The following CASK variants were observed in gnomAD, a reference collection of about 807,000 sequenced individuals.
The protein encoded by CASK is calcium/calmodulin dependent serine protein kinase.
A neutral mutation model predicts 82.9 loss-of-function variants in CASK; 4 were observed. The ratio of observed to expected loss-of-function variants is 0.05; its 90% CI spans 0.02 to 0.11. CASK has a LOEUF of 0.11. CASK is among the 10% of genes least tolerant of loss of function. The pLI, the probability that CASK is intolerant of heterozygous loss-of-function variation, is 1.00. For synonymous variants in CASK, 259 were observed against 253.5 expected (o/e 1.02, Z -0.20); for missense variants, 358 against 720.9 (o/e 0.50, Z 5.76).
intron 5 of CASK, among the ~76,000 whole-genome samples, chrX:41,718,355 G>A (rs1238184924): frequency 2.7e-5 from 3 of 113,197 alleles, no homozygotes; most frequent in Non-Finnish European, 5.6e-5. Context: ...AAGAGGGGCT[G>A]TGGGATCTTT....
chrX:41,748,044 C>A (rs444787), intron 3 of CASK, among the ~76,000 whole-genome samples: 2 of 111,206 alleles, frequency 1.8e-5, no homozygotes, highest in Admixed American at 9.5e-5. Flanking sequence ...CATCTCATAG[C>A]GAAGGAATCA....
rs774196070 is a variant in CASK, at chrX:41,808,291, T to C, written c.173-21008A>G. 8.9e-5 allele frequency among the ~76,000 whole-genome samples: 10 copies of C among 111,893 alleles called. No homozygotes were observed. The South Asian group carries it at 3.4e-3, about 38-fold the overall frequency. On this transcript the variant is annotated intron_variant, in intron 2 of 26. Coordinates refer to ENST00000378163, the MANE Select transcript of CASK (RefSeq NM_001367721.1). Reference sequence around the variant, plus strand: ...CCTTGGCAGTTTGACAAGATTGAGTTTGAATCTAGGTTTTGCCATTTACTC... The same window carrying C: ...CCTTGGCAGTTTGACAAGATTGAGTCTGAATCTAGGTTTTGCCATTTACTC...
At chrX:41,832,046 A>C (rs747428897) in intron 2 of CASK, among the ~76,000 whole-genome samples, 9 of 110,765 alleles carry the variant, frequency 8.1e-5, no homozygotes, top group South Asian at 3.8e-4. Context: ...AAAAAAAAAA[A>C]CACTAAGCTT....
chrX:41,814,382 A>G (rs1199341323), intron 2 of CASK, among the ~76,000 whole-genome samples: 51 of 111,371 alleles, frequency 4.6e-4, no homozygotes, highest in Admixed American at 1.1e-3. Flanking sequence ...AGAAAATGTG[A>G]CACATATACA....
intron 4 of CASK, among the ~76,000 whole-genome samples, chrX:41,741,286 C>T (rs1278822370): frequency 1.8e-5 from 2 of 112,152 alleles, no homozygotes; most frequent in Non-Finnish European, 3.8e-5. Flanking sequence ...TAAGAGACTA[C>T]ACCTGTCAAA....
At chrX:41,625,884 T>C (rs934929155) in intron 10 of CASK, among the ~76,000 whole-genome samples, 1 of 107,689 alleles carries the variant, frequency 9.3e-6, no homozygotes, top group Admixed American at 9.9e-5. Context: ...GGTCAAGTGA[T>C]TCTCCTGCCT....
chrX:41,693,223 C>T (rs1255683211), intron 5 of CASK, among the ~76,000 whole-genome samples: 1 of 111,592 alleles, frequency 9.0e-6, no homozygotes, highest in Non-Finnish European at 1.9e-5. Flanking sequence ...GGTTCCTCTA[C>T]AGACACCCTT....
chrX:41,539,272 G>C (rs1306407960), intron 22 of CASK, among the ~76,000 whole-genome samples: 1 of 111,894 alleles, frequency 8.9e-6, no homozygotes, highest in Non-Finnish European at 1.9e-5. Context: ...AATAATTCTA[G>C]TATTATCATT....
At chrX:41,842,499 G>C (rs1480497586) in intron 2 of CASK, among the ~76,000 whole-genome samples, 1 of 108,959 alleles carries the variant, frequency 9.2e-6, no homozygotes, top group Non-Finnish European at 1.9e-5. Flanking sequence ...CTTGAACCCA[G>C]GAGGCGAAGG....
intron 2 of CASK, among the ~76,000 whole-genome samples, chrX:41,847,487 C>T (rs1227111221): frequency 9.0e-6 from 1 of 111,619 alleles, no homozygotes; most frequent in Non-Finnish European, 1.9e-5. Context: ...ATTATTGATA[C>T]TTTCCATTTG....
At chrX:41,846,153 C>G (rs755689811) in intron 2 of CASK, among the ~76,000 whole-genome samples, 3 of 111,226 alleles carry the variant, frequency 2.7e-5, no homozygotes, top group African/African-American at 9.8e-5. Flanking sequence ...TTCACAATAG[C>G]CAAGACTTGG....
At chrX:41,731,944 T>C (rs1456320864) in intron 5 of CASK, among the ~76,000 whole-genome samples, 2 of 105,430 alleles carry the variant, frequency 1.9e-5, no homozygotes, top group South Asian at 4.3e-4. Flanking sequence ...TTTGTATTTT[T>C]TTTTTTTTTT....
chrX:41,867,694 T>C (rs1336848557), intron 1 of CASK, among the ~76,000 whole-genome samples: 1 of 112,167 alleles, frequency 8.9e-6, no homozygotes, highest in African/African-American at 3.2e-5. Context: ...AAATAGGCCT[T>C]ATAAACTTGA....
chrX:41,920,177 C>T (rs2072760072), intron 1 of CASK, among the ~76,000 whole-genome samples: 1 of 111,738 alleles, frequency 8.9e-6, no homozygotes, highest in South Asian at 3.7e-4. Flanking sequence ...TGAAAAACAA[C>T]TTGTGATACT....
chrX:41,695,702 G>A, intron 5 of CASK: 2 of 1,204,933 alleles, frequency 1.7e-6, no homozygotes, highest in Non-Finnish European at 2.2e-6. Context: ...CCCACAGAAT[G>A]CGCTTTATAA....
rs188794813 is a variant in CASK at position 41,805,898 on chromosome X, A to C, written c.173-18615T>G. Among the ~76,000 whole-genome samples, 206 of 111,754 alleles carry C rather than the reference A, an allele frequency of 1.8e-3. 2 individuals carry two copies. The highest frequency in any genetic ancestry group is 6.3e-3 in the African/African-American group (194 of 30,758). On this transcript the variant is annotated intron_variant, in intron 2 of 26. Coordinates refer to ENST00000378163, the MANE Select transcript of CASK (RefSeq NM_001367721.1). Reference sequence around the variant, plus strand: ...CCTAAGAGCCAACAAAGAGATAGGAAGGACAATACCTAGCACAGATATACC... The same window carrying C: ...CCTAAGAGCCAACAAAGAGATAGGACGGACAATACCTAGCACAGATATACC...
chrX:41,830,817 C>CAAAAA (rs780864898), intron 2 of CASK, among the ~76,000 whole-genome samples: 1 of 36,949 alleles, frequency 2.7e-5, no homozygotes, highest in Non-Finnish European at 4.7e-5. Context: ...GAGACTCTGC[C>CAAAAA]AAAAAAAAAA....
At chrX:41,815,042 CAG>C (rs1467962248) in intron 2 of CASK, among the ~76,000 whole-genome samples, 4 of 111,044 alleles carry the variant, frequency 3.6e-5, no homozygotes, top group Non-Finnish European at 3.8e-5. Context: ...GTAGAGAAAA[CAG>C]AGATTATGGT....
rs2147833101 is a variant in CASK at position 41,787,231 on chromosome X, T to C, written c.225A>G (p.Val75=). ...CTGAGCTATATGTCTCCAATAACTC[T>C]ACAATGTGTGGATGTTTCAGCATAT... ...ICHMLKHPHI[V]ELLETYSSDG... Residue 75 remains valine (V), a synonymous_variant, in exon 3 of 27, where the codon GTA becomes GTG. Coordinates refer to ENST00000378163, the MANE Select transcript of CASK (RefSeq NM_001367721.1). 8.3e-7 allele frequency: 1 copy of C among 1,199,175 alleles called. No homozygotes were observed.
Sources: gnomAD v4.1 joint callset for allele counts (sites outside exome capture counted in the v4.1 genomes callset) on GRCh38, gnomAD v4.1.1 for gene constraint, MANE v1.5 for transcripts, NCBI Gene and HGNC (gene_info 2026-07-23, HGNC 2026-07-21) for gene names.